Variants in YTHDC2 observed in about 807,000 individuals in gnomAD.
The protein encoded by YTHDC2 is 3'-5' RNA helicase YTHDC2.
Under a neutral mutation model 174.9 loss-of-function variants are expected in YTHDC2, and 45 were observed. The observed-to-expected ratio is 0.26, with a 90% confidence interval of 0.20 to 0.33. YTHDC2 has a LOEUF of 0.33. Ranked by LOEUF, YTHDC2 falls within the 10% of genes least tolerant of loss-of-function variation. YTHDC2 has a pLI of 1.00. For synonymous variants in YTHDC2, 657 were observed against 574.5 expected (o/e 1.14, Z -2.05); for missense variants, 1,650 against 1,723.7 (o/e 0.96, Z 0.76).
intron 4 of YTHDC2, among the ~76,000 whole-genome samples, chr5:113,532,070 C>T (rs1308885333): frequency 6.6e-6 from 1 of 152,058 alleles, no homozygotes; most frequent in Non-Finnish European, 1.5e-5. Context: ...AATAACAAAC[C>T]TAGAAAACTG....
intron 24 of YTHDC2, among the ~76,000 whole-genome samples, chr5:113,580,332 A>G (rs566375001): frequency 3.0e-4 from 45 of 152,236 alleles, no homozygotes; most frequent in African/African-American, 1.0e-3. Flanking sequence ...GGTACACAAG[A>G]ACTCCCTTTA....
chr5:113,537,233 A>T (rs1040551483), intron 7 of YTHDC2, among the ~76,000 whole-genome samples: 3 of 152,190 alleles, frequency 2.0e-5, no homozygotes, highest in African/African-American at 7.2e-5. Context: ...TCTGAAGTGT[A>T]TAAGGCTATT....
At chr5:113,549,789 C>T (rs1010009257) in intron 12 of YTHDC2, among the ~76,000 whole-genome samples, 1 of 151,868 alleles carries the variant, frequency 6.6e-6, no homozygotes, top group Non-Finnish European at 1.5e-5. Flanking sequence ...TACTTGTTCA[C>T]TGTTCTATTG....
At chr5:113,576,011 A>C (rs984676426) in intron 23 of YTHDC2, among the ~76,000 whole-genome samples, 1 of 152,198 alleles carries the variant, frequency 6.6e-6, no homozygotes, top group Admixed American at 6.5e-5. Context: ...CTCATTTGAG[A>C]TTCAGAAAAC....
At chr5:113,568,347 CAT>C (rs1237006906) in intron 23 of YTHDC2, among the ~76,000 whole-genome samples, 1 of 151,824 alleles carries the variant, frequency 6.6e-6, no homozygotes, top group African/African-American at 2.4e-5. Flanking sequence ...ATTGAAGTGG[CAT>C]AATGCATTTT....
At chr5:113,583,194 G>A (rs1561705666) in intron 25 of YTHDC2, 1 of 152,278 alleles carries the variant, frequency 6.6e-6, no homozygotes, top group Non-Finnish European at 1.5e-5. Flanking sequence ...ATTTTATTGG[G>A]ATTGGTAACC....
At chr5:113,516,471 A>G (rs1476572640) in intron 2 of YTHDC2, among the ~76,000 whole-genome samples, 2 of 152,212 alleles carry the variant, frequency 1.3e-5, no homozygotes, top group South Asian at 4.1e-4. Context: ...GGTGGGATCA[A>G]TGTAAAGGAA....
At chr5:113,570,926 T>C (rs6877466) in intron 23 of YTHDC2, among the ~76,000 whole-genome samples, 46,153 of 151,936 alleles carry the variant, frequency 0.3, 9,156 homozygotes, top group African/African-American at 0.55. Context: ...GTGCTGGGAT[T>C]ATAGGCATGA....
At chr5:113,515,488 T>A (rs1393013681) in intron 2 of YTHDC2, 126 bp downstream of exon 2, 1 of 771,252 alleles carries the variant, frequency 1.3e-6, no homozygotes, top group Non-Finnish European at 2.1e-6. Context: ...GTATCATATG[T>A]AGATAAAAGA....
rs191792027 is a variant in YTHDC2 at position 113,580,550 on chromosome 5, C to T, written c.3354+855C>T. Among the ~76,000 whole-genome samples, 87 of 152,246 alleles carry T rather than the reference C, an allele frequency of 5.7e-4. 1 individual carries two copies. Among genetic ancestry groups the T allele is most frequent in the African/African-American group, 1.9e-3 (80 of 41,548 alleles). On this transcript the variant is annotated intron_variant, in intron 24 of 29. Transcript: ENST00000161863. ...GAGGCGTCAAGCTGTCAATAGTTAA[C>T]ACTGGCTAGGTTTACTATTTTAGCA...
intron 19 of YTHDC2, 69 bp downstream of exon 19, chr5:113,563,561 T>A: frequency 6.8e-7 from 1 of 1,465,152 alleles, no homozygotes. Context: ...AGGAAATATG[T>A]CTTAACTAAT....
At position 113,566,030 on chromosome 5, in the gene YTHDC2, TC is replaced by T. The variant is rs1777307181; in HGVS notation, c.2842+14del. On this transcript the variant is annotated intron_variant, in intron 21 of 29. Coordinates refer to ENST00000161863, the MANE Select transcript of YTHDC2 (RefSeq NM_022828.5). ...AACTTAGAGCATCAGGTAAAGTTTT[TC>T]CCTCAAAGAGCCTATTTAAGTTACT... 2 of 1,595,324 alleles carry T rather than the reference TC, an allele frequency of 1.3e-6. No individual in the cohort carries two copies. The highest frequency in any genetic ancestry group is 1.7e-6 in the Non-Finnish European group (2 of 1,171,398).
At chr5:113,564,655 G>A (rs1030390491) in intron 20 of YTHDC2, among the ~76,000 whole-genome samples, 12 of 152,060 alleles carry the variant, frequency 7.9e-5, no homozygotes, top group African/African-American at 2.7e-4. Context: ...GAGGAAAGAG[G>A]CAAATGGAAA....
At chr5:113,539,293 GTA>G (rs1340111310) in intron 8 of YTHDC2, 112 bp downstream of exon 8, 2 of 432,940 alleles carry the variant, frequency 4.6e-6, no homozygotes, top group African/African-American at 4.2e-5. Flanking sequence ...TTTTTCTCTT[GTA>G]TATAATTGTA....
rs1426441822 is a variant in YTHDC2, at chr5:113,575,579, C to T, written c.3245-4007C>T. 5.3e-5 allele frequency among the ~76,000 whole-genome samples: 8 copies of T among 152,156 alleles called. No individual in the cohort carries two copies. In the East Asian group the frequency reaches 1.5e-3, roughly 29 times the overall value. On this transcript the variant is annotated intron_variant, in intron 23 of 29. Transcript: ENST00000161863. ...AGAGGGAAAGCACCAAGATTCTGTG[C>T]TAGGAAATTATCTAGGAATTGACAG...
At chr5:113,576,628 A>G (rs1778065495) in intron 23 of YTHDC2, among the ~76,000 whole-genome samples, 1 of 151,962 alleles carries the variant, frequency 6.6e-6, no homozygotes, top group Non-Finnish European at 1.5e-5. Context: ...AGATTCCTTC[A>G]TTTGCTCTTT....
intron 23 of YTHDC2, among the ~76,000 whole-genome samples, chr5:113,571,926 T>G (rs533811854): frequency 5.7e-4 from 87 of 152,264 alleles, no homozygotes; most frequent in Non-Finnish European, 1.1e-3. Flanking sequence ...ACCAGCTTTT[T>G]GATTTGCTGA....
chr5:113,517,213 A>G (rs1189574714), intron 2 of YTHDC2, among the ~76,000 whole-genome samples: 1 of 152,198 alleles, frequency 6.6e-6, no homozygotes, highest in East Asian at 1.9e-4. Flanking sequence ...ACCTCATGTC[A>G]GTTTAATCAC....
intron 23 of YTHDC2, among the ~76,000 whole-genome samples, chr5:113,571,451 A>G (rs544181061): frequency 4.0e-4 from 61 of 152,138 alleles, no homozygotes; most frequent in Non-Finnish European, 7.5e-4. Context: ...TTTTTGTTGT[A>G]TCTCTGTCAG....
Sources: gnomAD v4.1 joint callset for allele counts (sites outside exome capture counted in the v4.1 genomes callset) on GRCh38, gnomAD v4.1.1 for gene constraint, MANE v1.5 for transcripts, NCBI Gene and HGNC (gene_info 2026-07-23, HGNC 2026-07-21) for gene names.